Variants in FHDC1 observed in about 807,000 individuals in gnomAD.
The protein encoded by FHDC1 is FH2 domain containing 1, also known as FH2 domain-containing protein 1.
Under a neutral mutation model 52.6 loss-of-function variants are expected in FHDC1, and 25 were observed. That is an observed-to-expected ratio of 0.48 (90% CI 0.35 to 0.66). The LOEUF (loss-of-function observed/expected upper bound fraction) is 0.66, where lower values mean the gene tolerates loss of function less well. Ranked by LOEUF, FHDC1 falls within the 30% of genes least tolerant of loss-of-function variation. The pLI is 0.01. For missense variants in FHDC1, 1,459 were observed against 1,452.8 expected (o/e 1.00, Z -0.07); for synonymous variants, 616 against 581.5 (o/e 1.06, Z -0.85).
At chr4:152,919,944 CTTTTTTTTTTTTTT>C in the FHDC1 span, among the ~76,000 whole-genome samples, 1,378 of 70,340 alleles carry the variant, frequency 0.02, 41 homozygotes, top group African/African-American at 0.063. Context: ...TAGGGAAGTT[CTTTTTTTTTTTTTT>C]TTTTTTTTTT....
chr4:152,969,007 A>G (rs1300999174), intron 10 of FHDC1, among the ~76,000 whole-genome samples: 1 of 152,156 alleles, frequency 6.6e-6, no homozygotes, highest in Non-Finnish European at 1.5e-5. Flanking sequence ...AACAAAAAAC[A>G]GCAGAGTGGA....
chr4:152,960,996 G>T (rs1740263522), intron 6 of FHDC1, 152 bp downstream of exon 6: 1 of 516,960 alleles, frequency 1.9e-6, no homozygotes. Flanking sequence ...TGCACTTAAG[G>T]TTGATTTCCA....
upstream of FHDC1, among the ~76,000 whole-genome samples, chr4:152,931,935 TAAA>T (rs200667161): frequency 1.5e-4 from 14 of 95,266 alleles, no homozygotes; most frequent in African/African-American, 6.9e-4. Context: ...AGAACCTGTC[TAAA>T]AAAAAAAAAA....
At chr4:152,961,549 C>T (rs986950459) in intron 6 of FHDC1, among the ~76,000 whole-genome samples, 11 of 152,192 alleles carry the variant, frequency 7.2e-5, no homozygotes, top group Admixed American at 1.3e-4. Context: ...AGAATCCCGG[C>T]GGAGTTGCAG....
At position 152,975,989 on chromosome 4, in the gene FHDC1, G is replaced by C. The variant is rs776022190; in HGVS notation, c.2698G>C (p.Glu900Gln). ...GCGGACCCTGACCGCCTCAGAGAAC[G>C]AGAGCATGCGCAAGGTCATGCCCAT... The part of the protein sequence containing the change: ...SVRTLTASEN[E>Q]SMRKVMPITK... Residue 900 changes from glutamate to glutamine, a missense_variant, in exon 12 of 12, where the codon GAG becomes CAG. By Grantham distance (29) the Glu-to-Gln change is conservative. Coordinates refer to ENST00000511601, the MANE Select transcript of FHDC1 (RefSeq NM_001371116.1). 2.6e-6 allele frequency: 4 copies of C among 1,525,486 alleles called. No homozygotes were observed. The highest frequency in any genetic ancestry group is 2.6e-6 in the Non-Finnish European group (3 of 1,138,898). 94.5% of individuals were successfully genotyped at this position (1,525,486 alleles called of 1,614,324 possible).
At chr4:152,952,908 G>C (rs1404743002) in intron 2 of FHDC1, among the ~76,000 whole-genome samples, 1 of 152,186 alleles carries the variant, frequency 6.6e-6, no homozygotes, top group African/African-American at 2.4e-5. Context: ...GAGGCAGGTG[G>C]ATCACTTGAG....
In FHDC1 at chr4:152,975,922, C is replaced by T. The variant is rs781058608; in HGVS notation, c.2631C>T (p.Pro877=). ...LKEASPGASK[P]GSARRSQGAV... ...AGGCGTCTCCCGGGGCCTCCAAGCCCGGGAGCGCCCGGCGGAGCCAGGGGG... is the reference window on the plus strand; with the variant it reads ...AGGCGTCTCCCGGGGCCTCCAAGCCTGGGAGCGCCCGGCGGAGCCAGGGGG... The change falls in exon 12 of 12, where the codon CCC becomes CCT. Residue 877 remains proline (P), a synonymous_variant. Coordinates refer to ENST00000511601, the MANE Select transcript of FHDC1 (RefSeq NM_001371116.1). 2 of 1,514,044 alleles carry T rather than the reference C, an allele frequency of 1.3e-6. No individual in the cohort carries two copies. Among genetic ancestry groups the T allele is most frequent in the Admixed American group, 4.6e-5 (2 of 43,882 alleles). The allele number at this position is 1,514,044 out of a possible 1,614,324, so 93.8% of individuals were successfully genotyped here. A position where few individuals can be genotyped will look rare whatever the true frequency, so the allele number is the denominator to read the frequency against.
chr4:152,932,098 T>C (rs949275952), upstream of FHDC1, among the ~76,000 whole-genome samples: 5 of 151,930 alleles, frequency 3.3e-5, no homozygotes, highest in African/African-American at 9.7e-5. Context: ...AAAAATGAAG[T>C]ATTGGCTGGG....
chr4:152,966,772 C>G (rs1481252895), intron 9 of FHDC1, among the ~76,000 whole-genome samples: 1 of 152,104 alleles, frequency 6.6e-6, no homozygotes, highest in African/African-American at 2.4e-5. Flanking sequence ...CACATTCTGC[C>G]TATCTTGATT....
At chr4:152,926,304 A>AC in the FHDC1 span, among the ~76,000 whole-genome samples, 1,384 of 137,004 alleles carry the variant, frequency 0.01, 12 homozygotes, top group Middle Eastern at 0.019. Context: ...ACACACACAC[A>AC]AACAATACAC....
At chr4:152,961,204 G>A (rs891607483) in intron 6 of FHDC1, among the ~76,000 whole-genome samples, 5 of 148,606 alleles carry the variant, frequency 3.4e-5, no homozygotes, top group East Asian at 2.0e-4. Flanking sequence ...CACAAAGCCC[G>A]GGCCCCTGGC....
chr4:152,928,340 C>A, the FHDC1 span: 1 of 470,816 alleles, frequency 2.1e-6, no homozygotes, highest in Non-Finnish European at 3.9e-6. Context: ...CATTTTTAAC[C>A]AATCCAATCT....
chr4:152,964,808 A>C, intron 8 of FHDC1, 97 bp from the exon 9 acceptor site: 1 of 966,610 alleles, frequency 1.0e-6, no homozygotes. Flanking sequence ...AAGTTTAAAA[A>C]CAGGAGCAGT....
chr4:152,976,911 C>T lies in FHDC1; in HGVS notation c.*188C>T. 1 of 656,596 alleles carries T rather than the reference C, an allele frequency of 1.5e-6. No individual in the cohort carries two copies. The highest frequency in any genetic ancestry group is 2.3e-6 in the Non-Finnish European group (1 of 433,020). 40.7% of individuals were successfully genotyped at this position (656,596 alleles called of 1,614,324 possible). Reference sequence around the variant, plus strand: ...CTGCAGCCTGCTGTGCTGAGCCCTGCTGCAGTCCAGCGTCCAGATGGATGC... The same window carrying T: ...CTGCAGCCTGCTGTGCTGAGCCCTGTTGCAGTCCAGCGTCCAGATGGATGC... On this transcript the variant is annotated 3_prime_UTR_variant, in exon 12 of 12. Coordinates refer to ENST00000511601, the MANE Select transcript of FHDC1 (RefSeq NM_001371116.1).
intron 2 of FHDC1, among the ~76,000 whole-genome samples, chr4:152,945,499 C>G (rs1034406978): frequency 5.9e-5 from 9 of 152,118 alleles, no homozygotes; most frequent in African/African-American, 1.9e-4. Flanking sequence ...TTCTGTCACC[C>G]AGGCTGGAGT....
At position 152,975,314 on chromosome 4, in the gene FHDC1, C is replaced by T; in HGVS notation, c.2023C>T (p.Leu675=). 6.2e-7 allele frequency: 1 copy of T among 1,613,688 alleles called. No homozygotes were observed. The highest frequency in any genetic ancestry group is 8.5e-7 in the Non-Finnish European group (1 of 1,180,044). ...GGCTCTGGGAATTAAGGAGCATGAGCTGGTGACAGGGCTGGCCCAGTTCAA... is the reference window on the plus strand; with the variant it reads ...GGCTCTGGGAATTAAGGAGCATGAGTTGGTGACAGGGCTGGCCCAGTTCAA... The part of the protein sequence containing the change: ...PLALGIKEHE[L]VTGLAQFNLQ... The change falls in exon 12 of 12, where the codon CTG becomes TTG. Residue 675 remains leucine, a synonymous_variant. Coordinates refer to ENST00000511601, the MANE Select transcript of FHDC1 (RefSeq NM_001371116.1).
chr4:152,940,402 A>G lies in FHDC1; in HGVS notation c.-130-2526A>G, dbSNP rs548582918. Among the ~76,000 whole-genome samples the G allele has an allele frequency of 5.3e-5, 8 of 152,356 alleles. 1 individual carries two copies. Among genetic ancestry groups the G allele is most frequent in the African/African-American group, 1.4e-4 (6 of 41,580 alleles). On this transcript the variant is annotated intron_variant, in intron 1 of 11. Transcript: ENST00000511601. The stretch of plus-strand genomic sequence containing the variant: ...TCTTTTACATGGGGCATTGGTTAGA[A>G]TCATCCCAATGCAGAGCTAACAAGT...
chr4:152,920,062 C>A, the FHDC1 span, among the ~76,000 whole-genome samples: 1 of 146,050 alleles, frequency 6.8e-6, no homozygotes, highest in Non-Finnish European at 1.5e-5. Context: ...GTCCTCCTAT[C>A]TCAGCACCCA....
intron 4 of FHDC1, among the ~76,000 whole-genome samples, chr4:152,957,494 C>G (rs1740133513): frequency 6.6e-6 from 1 of 152,172 alleles, no homozygotes; most frequent in African/African-American, 2.4e-5. Context: ...GACTTGAGCC[C>G]TGATTCCGCT....
Sources: gnomAD v4.1 joint callset for allele counts (sites outside exome capture counted in the v4.1 genomes callset) on GRCh38, gnomAD v4.1.1 for gene constraint, MANE v1.5 for transcripts, NCBI Gene and HGNC (gene_info 2026-07-23, HGNC 2026-07-21) for gene names.